The following FAM168B variants were observed in gnomAD, a reference collection of about 807,000 sequenced individuals.
FAM168B encodes the protein family with sequence similarity 168 member B, also known as myelin-associated neurite-outgrowth inhibitor.
In FAM168B, 19 loss-of-function variants were observed where a neutral mutation model predicts 21.8. The ratio of observed to expected loss-of-function variants is 0.87; its 90% CI spans 0.61 to 1.28. FAM168B has a LOEUF of 1.28. FAM168B is among the 50% of genes most tolerant of loss of function. The pLI, the probability that FAM168B is intolerant of heterozygous loss-of-function variation, is 0.00. For synonymous variants in FAM168B, 126 were observed against 104.8 expected (o/e 1.20, Z -1.24); for missense variants, 233 against 263.1 (o/e 0.89, Z 0.79).
chr2:131,084,235 G>A (rs112410774), intron 1 of FAM168B, among the ~76,000 whole-genome samples: 11 of 136,980 alleles, frequency 8.0e-5, no homozygotes, highest in African/African-American at 3.0e-4. Flanking sequence ...TGTTGCCCAG[G>A]CTGGAGTGCA....
rs113995372 is a variant in FAM168B, at chr2:131,062,764, C to T, written c.155-7069G>A. 5.9e-5 allele frequency among the ~76,000 whole-genome samples: 9 copies of T among 152,314 alleles called. No homozygotes were observed. The East Asian group carries it at 1.7e-3, about 29-fold the overall frequency. Reference sequence around the variant, plus strand: ...CGTCCGGCCTACCCAAGGTGTCTTACAACACCTACTTTACAGGTAGGCGTT... The same window carrying T: ...CGTCCGGCCTACCCAAGGTGTCTTATAACACCTACTTTACAGGTAGGCGTT... On this transcript the variant is annotated intron_variant, in intron 3 of 6. Coordinates refer to ENST00000389915, the MANE Select transcript of FAM168B (RefSeq NM_001009993.4).
chr2:131,055,398 G>A lies in FAM168B; in HGVS notation c.349C>T (p.His117Tyr). Residue 117 changes from histidine to tyrosine, a missense_variant, in exon 5 of 7, where the codon CAC (histidine) becomes TAC (tyrosine). By Grantham distance (83) the His-to-Tyr change is moderately conservative (BLOSUM62 2). Transcript: ENST00000389915. ...PLYAAPPHVIHHTTVVQPNGM... is the reference protein window; with the variant it reads ...PLYAAPPHVIYHTTVVQPNGM... Reference sequence around the variant, plus strand: ...TTGGGCTGCACCACCGTGGTGTGGTGGATGACGTGAGGAGGTGCTGCATAC... The same window carrying A: ...TTGGGCTGCACCACCGTGGTGTGGTAGATGACGTGAGGAGGTGCTGCATAC... The A allele has an allele frequency of 6.2e-7, 1 of 1,607,576 alleles. No individual in the cohort carries two copies. Among genetic ancestry groups the A allele is most frequent in the Non-Finnish European group, 8.5e-7 (1 of 1,177,894 alleles).
chr2:131,072,065 C>A, intron 2 of FAM168B, 127 bp from the exon 3 acceptor site: 1 of 728,486 alleles, frequency 1.4e-6, no homozygotes. Flanking sequence ...CCCAAGAGCA[C>A]TATGTGTGGC....
At chr2:131,080,248 T>C (rs865973742) in intron 2 of FAM168B, among the ~76,000 whole-genome samples, 9 of 150,760 alleles carry the variant, frequency 6.0e-5, no homozygotes, top group South Asian at 4.2e-4. Flanking sequence ...GGCTGTTGAT[T>C]GCACAAAATT....
chr2:131,050,770 C>T lies in FAM168B; in HGVS notation c.*1695G>A, dbSNP rs960326231. 1.3e-5 allele frequency: 13 copies of T among 985,294 alleles called. No individual in the cohort carries two copies. Among genetic ancestry groups the T allele is most frequent in the African/African-American group, 1.7e-5 (1 of 57,224 alleles). The allele number at this position is 985,294 out of a possible 1,614,324, so 61.0% of individuals were successfully genotyped here. On this transcript the variant is annotated 3_prime_UTR_variant, in exon 7 of 7. Transcript: ENST00000389915. ...AATGCTAGTGGGCATCCTCACTGGG[C>T]GCCAGTGCCCTGACCCAGCTACCAG...
intron 2 of FAM168B, among the ~76,000 whole-genome samples, chr2:131,075,590 G>A (rs1420116496): frequency 6.6e-6 from 1 of 151,930 alleles, no homozygotes; most frequent in Non-Finnish European, 1.5e-5. Flanking sequence ...CGCCTCCTGG[G>A]TTCACGCCAT....
rs956758757 is a variant in FAM168B at position 131,063,113 on chromosome 2, T to C, written c.155-7418A>G. 3.3e-5 allele frequency among the ~76,000 whole-genome samples: 5 copies of C among 152,332 alleles called. No homozygotes were observed. In the South Asian group the frequency reaches 1.0e-3, roughly 32 times the overall value. ...AATCGTAGAATCTTAGCAGTCCATA[T>C]ATAGGTGATCACTGTGAAGTTTCTG... On this transcript the variant is annotated intron_variant, in intron 3 of 6. Coordinates refer to ENST00000389915, the MANE Select transcript of FAM168B (RefSeq NM_001009993.4).
intron 3 of FAM168B, among the ~76,000 whole-genome samples, chr2:131,059,582 T>A (rs866307125): frequency 2.0e-5 from 3 of 152,072 alleles, no homozygotes; most frequent in African/African-American, 7.2e-5. Flanking sequence ...CAAGATGATA[T>A]TTTTTTTATA....
Position 131,049,638 on chromosome 2 carries a change from G to A in FAM168B, c.*2827C>T. The A allele has an allele frequency of 1.0e-6, 1 of 985,640 alleles. No individual in the cohort carries two copies. Among genetic ancestry groups the A allele is most frequent in the Non-Finnish European group, 1.2e-6 (1 of 829,930 alleles). 61.1% of individuals were successfully genotyped at this position (985,640 alleles called of 1,614,324 possible). ...CCCAAGCCTCAGGGGAGAAGGTGTA[G>A]AACAAATATTTTTTAAATAGCCATC... On this transcript the variant is annotated 3_prime_UTR_variant, in exon 7 of 7. Transcript: ENST00000389915.
At chr2:131,066,185 G>C (rs1242518052) in intron 3 of FAM168B, among the ~76,000 whole-genome samples, 1 of 133,984 alleles carries the variant, frequency 7.5e-6, no homozygotes, top group African/African-American at 2.9e-5. Context: ...TTTTGAGACT[G>C]AGTGGAGTCT....
Position 131,050,393 on chromosome 2 carries a change from G to A in FAM168B, c.*2072C>T, listed in dbSNP as rs759461760. ...CTTGGTCAGCTGAACCCCTGGAACC[G>A]TTAGAACCTACTAATCCTGCCAACC... On this transcript the variant is annotated 3_prime_UTR_variant, in exon 7 of 7. Coordinates refer to ENST00000389915, the MANE Select transcript of FAM168B (RefSeq NM_001009993.4). The A allele has an allele frequency of 6.1e-6, 6 of 985,638 alleles. No individual in the cohort carries two copies. The highest frequency in any genetic ancestry group is 3.5e-5 in the African/African-American group (2 of 57,242). 61.1% of individuals were successfully genotyped at this position (985,638 alleles called of 1,614,324 possible).
At chr2:131,065,737 T>A (rs1362389498) in intron 3 of FAM168B, among the ~76,000 whole-genome samples, 4 of 142,042 alleles carry the variant, frequency 2.8e-5, no homozygotes, top group African/African-American at 7.9e-5. Flanking sequence ...TGCAGTGAGC[T>A]GAGATCGCAC....
chr2:131,066,468 C>T (rs566966358), intron 3 of FAM168B, among the ~76,000 whole-genome samples: 1 of 152,230 alleles, frequency 6.6e-6, no homozygotes, highest in African/African-American at 2.4e-5. Context: ...AGCCATTGCA[C>T]CCGGCCTAAA....
At position 131,048,221 on chromosome 2, in the gene FAM168B, G is replaced by A. The variant is rs542339973; in HGVS notation, c.*4244C>T. ...CGTTTCTTCTTTAGTTACAATCCAT[G>A]AGGCTCTCTAGGGCCTCTCCGTGTG... is the stretch of plus-strand genomic sequence containing the variant. On this transcript the variant is annotated 3_prime_UTR_variant, in exon 7 of 7. Coordinates refer to ENST00000389915, the MANE Select transcript of FAM168B (RefSeq NM_001009993.4). The A allele has an allele frequency of 1.2e-5, 15 of 1,293,174 alleles. No homozygotes were observed. The South Asian group carries it at 1.7e-4, about 15-fold the overall frequency. The allele number at this position is 1,293,174 out of a possible 1,614,324, so 80.1% of individuals were successfully genotyped here.
intron 1 of FAM168B, among the ~76,000 whole-genome samples, chr2:131,089,226 A>G (rs1693881814): frequency 2.0e-5 from 3 of 151,728 alleles, no homozygotes; most frequent in African/African-American, 7.3e-5. Context: ...TTGGCCTCCC[A>G]AAGTGCTGGG....
Position 131,072,227 on chromosome 2 carries a change from G to T in FAM168B, c.71-289C>A, listed in dbSNP as rs1034681381. 6.2e-4 allele frequency among the ~76,000 whole-genome samples: 94 copies of T among 152,042 alleles called. 1 individual carries two copies. The highest frequency in any genetic ancestry group is 2.9e-5 in the Non-Finnish European group (2 of 67,996). The stretch of plus-strand genomic sequence containing the variant: ...CAACCTCTGCCTCCCAGGTTCAAGC[G>T]ATTCTCCTGCCTCAGCCTTCCGAAG... On this transcript the variant is annotated intron_variant, in intron 2 of 6. Coordinates refer to ENST00000389915, the MANE Select transcript of FAM168B (RefSeq NM_001009993.4).
At chr2:131,068,725 T>A (rs1375500432) in intron 3 of FAM168B, among the ~76,000 whole-genome samples, 1 of 152,104 alleles carries the variant, frequency 6.6e-6, no homozygotes, top group Admixed American at 6.6e-5. Context: ...TTCGAGAAGA[T>A]GGGTGACAAG....
In FAM168B at chr2:131,050,494, G is replaced by A. The variant is rs1172105455; in HGVS notation, c.*1971C>T. Reference sequence around the variant, plus strand: ...AACTGTGTGCCTGCGGTAAATGTCTGCCCCCACACATAGACACTAAGATGG... The same window carrying A: ...AACTGTGTGCCTGCGGTAAATGTCTACCCCCACACATAGACACTAAGATGG... On this transcript the variant is annotated 3_prime_UTR_variant, in exon 7 of 7. Coordinates refer to ENST00000389915, the MANE Select transcript of FAM168B (RefSeq NM_001009993.4). The A allele has an allele frequency of 1.0e-6, 1 of 985,682 alleles. No individual in the cohort carries two copies. The highest frequency in any genetic ancestry group is 1.7e-5 in the African/African-American group (1 of 57,194). The allele number at this position is 985,682 out of a possible 1,614,324, so 61.1% of individuals were successfully genotyped here.
At chr2:131,066,047 C>T (rs1416501993) in intron 3 of FAM168B, among the ~76,000 whole-genome samples, 1 of 152,088 alleles carries the variant, frequency 6.6e-6, no homozygotes, top group Non-Finnish European at 1.5e-5. Flanking sequence ...TTCTAACATA[C>T]ACTACCAAAC....
Sources: gnomAD v4.1 joint callset for allele counts (sites outside exome capture counted in the v4.1 genomes callset) on GRCh38, gnomAD v4.1.1 for gene constraint, MANE v1.5 for transcripts, NCBI Gene and HGNC (gene_info 2026-07-23, HGNC 2026-07-21) for gene names.